Variants in PTPRD observed in about 807,000 individuals in gnomAD.
PTPRD encodes protein tyrosine phosphatase receptor type D.
A neutral mutation model predicts 214.5 loss-of-function variants in PTPRD; 34 were observed. That is an observed-to-expected ratio of 0.16 (90% CI 0.12 to 0.21). PTPRD has a LOEUF of 0.21. PTPRD is among the 10% of genes least tolerant of loss of function. The probability of loss-of-function intolerance (pLI) is 1.00; values close to 1 mark genes in which losing one functional copy is unlikely to be tolerated. For missense variants in PTPRD, 2,545 were observed against 2,398.7 expected, an observed-to-expected ratio of 1.06 and a Z score of -1.27; for synonymous variants, 1,128 against 845.7, an observed-to-expected ratio of 1.33 and a Z score of -5.79.
At chr9:10,450,357 G>A (rs73390322) in intron 2 of PTPRD, among the ~76,000 whole-genome samples, 6,735 of 151,798 alleles carry the variant, frequency 0.044, 554 homozygotes, top group African/African-American at 0.15. Context: ...AATAAAATAC[G>A]TGCTTAACTT....
chr9:9,111,427 G>C (rs1425817589), intron 10 of PTPRD, among the ~76,000 whole-genome samples: 2 of 151,676 alleles, frequency 1.3e-5, no homozygotes, highest in East Asian at 1.9e-4. Flanking sequence ...TGTGCCTGCT[G>C]GGTGAGTCCT....
rs144984742 is a variant in PTPRD, at chr9:8,830,791, G to A, written c.-103-96845C>T. 1.1e-4 allele frequency among the ~76,000 whole-genome samples: 16 copies of A among 152,208 alleles called. 1 individual carries two copies. The East Asian group carries it at 2.9e-3, about 28-fold the overall frequency. The stretch of plus-strand genomic sequence containing the variant: ...ATCAAATCCGTAATTTGGGGAAAGG[G>A]CATACGTGATGGTGAAATCATTGCT... On this transcript the variant is annotated intron_variant, in intron 11 of 45. Coordinates refer to ENST00000381196, the MANE Select transcript of PTPRD (RefSeq NM_002839.4).
chr9:8,470,854 C>T, intron 31 of PTPRD, 141 bp downstream of exon 31: 1 of 691,228 alleles, frequency 1.4e-6, no homozygotes, highest in Non-Finnish European at 2.6e-6. Flanking sequence ...TTAGCATGCC[C>T]ATAGCACTGA....
intron 39 of PTPRD, among the ~76,000 whole-genome samples, chr9:8,351,450 TAAG>T (rs750322514): frequency 9.2e-5 from 14 of 151,676 alleles, no homozygotes; most frequent in Non-Finnish European, 1.5e-4. Context: ...ATAATGGAAT[TAAG>T]AAGAAATATA....
chr9:9,937,919 T>G (rs1246295790), intron 5 of PTPRD, among the ~76,000 whole-genome samples: 1 of 152,230 alleles, frequency 6.6e-6, no homozygotes, highest in Admixed American at 6.5e-5. Flanking sequence ...ATTCTGGCTA[T>G]GGATTTCTGA....
chr9:9,056,740 G>C (rs1478522417), intron 10 of PTPRD, among the ~76,000 whole-genome samples: 3 of 152,156 alleles, frequency 2.0e-5, no homozygotes, highest in Non-Finnish European at 4.4e-5. Flanking sequence ...TTCCATGTTT[G>C]GCGTAGGCCT....
chr9:8,454,735 G>A (rs1291195460), intron 33 of PTPRD: 23 of 848,978 alleles, frequency 2.7e-5, no homozygotes, highest in Admixed American at 9.2e-5. Context: ...ATTCAGAAGC[G>A]ACAGCGAATC....
At chr9:9,631,222 TAAAAAG>T (rs1333521146) in intron 7 of PTPRD, among the ~76,000 whole-genome samples, 5 of 111,678 alleles carry the variant, frequency 4.5e-5, no homozygotes, top group Non-Finnish European at 1.0e-4. Context: ...AATAAATAAA[TAAAAAG>T]AAAAAGAAAA....
At chr9:9,653,215 G>C (rs10977913) in intron 7 of PTPRD, among the ~76,000 whole-genome samples, 2 of 149,232 alleles carry the variant, frequency 1.3e-5, no homozygotes, top group East Asian at 4.0e-4. Flanking sequence ...GGTGGCGGGC[G>C]CCTGTAGTCC....
At chr9:8,829,694 G>C (rs894150250) in intron 11 of PTPRD, among the ~76,000 whole-genome samples, 1 of 152,116 alleles carries the variant, frequency 6.6e-6, no homozygotes, top group Non-Finnish European at 1.5e-5. Context: ...ACACATTAAT[G>C]CATCATCCTC....
At chr9:9,117,263 C>T (rs1230751251) in intron 10 of PTPRD, among the ~76,000 whole-genome samples, 1 of 147,990 alleles carries the variant, frequency 6.8e-6, no homozygotes, top group African/African-American at 2.5e-5. Flanking sequence ...TTAACTTATA[C>T]CCAAGTAATT....
chr9:9,557,701 A>G (rs984314417), intron 8 of PTPRD, among the ~76,000 whole-genome samples: 8 of 152,144 alleles, frequency 5.3e-5, no homozygotes, highest in African/African-American at 1.7e-4. Flanking sequence ...CTTTCTATTG[A>G]TTCCAGATTT....
chr9:9,116,982 G>C (rs1035145621), intron 10 of PTPRD, among the ~76,000 whole-genome samples: 1 of 151,970 alleles, frequency 6.6e-6, no homozygotes, highest in Non-Finnish European at 1.5e-5. Flanking sequence ...AATGCTCAGG[G>C]TGTGTGTGTG....
chr9:9,127,038 T>C (rs146604737), intron 10 of PTPRD, among the ~76,000 whole-genome samples: 1 of 151,690 alleles, frequency 6.6e-6, no homozygotes, highest in Non-Finnish European at 1.5e-5. Flanking sequence ...TGGGACCATG[T>C]ACACATGCAC....
intron 4 of PTPRD, among the ~76,000 whole-genome samples, chr9:9,952,721 A>G (rs1566670206): frequency 1.3e-5 from 2 of 152,092 alleles, no homozygotes; most frequent in African/African-American, 2.4e-5. Context: ...CCAGAAATTT[A>G]AAAGATGGTT....
intron 10 of PTPRD, among the ~76,000 whole-genome samples, chr9:9,096,105 G>A (rs141643591): frequency 4.7e-4 from 72 of 152,258 alleles, no homozygotes; most frequent in African/African-American, 1.1e-3. Context: ...GTAGGTCAAA[G>A]GATACAAAGT....
rs149137763 is a variant in PTPRD at position 10,541,002 on chromosome 9, C to T, written c.-600+71396G>A. Among the ~76,000 whole-genome samples, 81 of 152,062 alleles carry T rather than the reference C, an allele frequency of 5.3e-4. No homozygotes were observed. In the East Asian group the frequency reaches 0.012, roughly 23 times the overall value. ...GCAATTACTCACTCAAGTTCATGCA[C>T]GATAAAATTGAATCAAGTAAAAAAA... On this transcript the variant is annotated intron_variant, in intron 2 of 45. Coordinates refer to ENST00000381196, the MANE Select transcript of PTPRD (RefSeq NM_002839.4).
At chr9:8,490,884 C>T (rs145197311) in intron 27 of PTPRD, among the ~76,000 whole-genome samples, 1 of 152,152 alleles carries the variant, frequency 6.6e-6, no homozygotes, top group African/African-American at 2.4e-5. Flanking sequence ...TTCCTGAATT[C>T]TTTGTGGGAG....
rs186430887 is a variant in PTPRD at position 8,396,034 on chromosome 9, T to C, written c.4211-6627A>G. On this transcript the variant is annotated intron_variant, in intron 36 of 45. Transcript: ENST00000381196. The stretch of plus-strand genomic sequence containing the variant: ...TAGCTTTATACTAATAAGGAGGCAA[T>C]TATTATAGAGGTTCATCAAGCAATG... Among the ~76,000 whole-genome samples the C allele has an allele frequency of 3.5e-3, 529 of 152,076 alleles. 7 individuals are homozygous for C. Among genetic ancestry groups the C allele is most frequent in the Middle Eastern group, 6.8e-3 (2 of 294 alleles).
Sources: allele counts gnomAD v4.1 joint callset (sites outside exome capture counted in the v4.1 genomes callset), GRCh38; gene constraint gnomAD v4.1.1; transcripts MANE v1.5; gene names NCBI Gene and HGNC (gene_info 2026-07-23, HGNC 2026-07-21).